The following UMAD1 variants were observed in gnomAD, a reference collection of about 807,000 sequenced individuals.
UMAD1 encodes the protein UBAP1-MVB12-associated (UMA) domain containing 1.
In UMAD1, 8 loss-of-function variants were observed where a neutral mutation model predicts 6.1. That is an observed-to-expected ratio of 1.30 (90% CI 0.76 to 2.35). The LOEUF is 2.35. Among genes scored for constraint, UMAD1 ranks in the 30% most tolerant of loss-of-function variants. The probability of loss-of-function intolerance (pLI) is 0.00; values close to 1 mark genes in which losing one functional copy is unlikely to be tolerated. For missense variants in UMAD1, 130 were observed against 78.4 expected (o/e 1.66, Z -2.49); for synonymous variants, 56 against 31.4 (o/e 1.78, Z -2.61).
chr7:7,867,269 C>T (rs962220337), intron 3 of UMAD1, among the ~76,000 whole-genome samples: 1 of 152,072 alleles, frequency 6.6e-6, no homozygotes, highest in Admixed American at 6.6e-5. Flanking sequence ...GAGAGAAATC[C>T]GAGTTTGAGA....
chr7:7,801,792 A>T (rs17137990), intron 3 of UMAD1, 49 bp downstream of exon 3: 1 of 713,250 alleles, frequency 1.4e-6, no homozygotes, highest in African/African-American at 1.8e-5. Flanking sequence ...ACAAGTCACT[A>T]TGATTACTTA....
At chr7:7,870,500 C>T (rs1258635504) in intron 3 of UMAD1, among the ~76,000 whole-genome samples, 1 of 152,084 alleles carries the variant, frequency 6.6e-6, no homozygotes. Flanking sequence ...TAATTCTTCC[C>T]ATTAAAGACC....
chr7:7,836,125 A>G (rs1382708706), intron 3 of UMAD1, among the ~76,000 whole-genome samples: 3 of 152,074 alleles, frequency 2.0e-5, no homozygotes, highest in African/African-American at 4.8e-5. Context: ...CTTAGCTACA[A>G]TAATTATACC....
Position 7,749,681 on chromosome 7 carries a change from T to C in UMAD1, c.83-51989T>C, listed in dbSNP as rs544101766. 3.2e-3 allele frequency among the ~76,000 whole-genome samples: 490 copies of C among 152,252 alleles called. 4 individuals are homozygous for C. The highest frequency in any genetic ancestry group is 0.01 in the African/African-American group (421 of 41,560). ...TCTAAAATAAAACTGGGCGTTGATATTTGCTGTGATCTAATATGTAGATAT... is the reference window on the plus strand; with the variant it reads ...TCTAAAATAAAACTGGGCGTTGATACTTGCTGTGATCTAATATGTAGATAT... On this transcript the variant is annotated intron_variant, in intron 2 of 3. Transcript: ENST00000682710.
chr7:7,708,456 T>TACC (rs1780660151), intron 2 of UMAD1, among the ~76,000 whole-genome samples: 1 of 152,204 alleles, frequency 6.6e-6, no homozygotes, highest in African/African-American at 2.4e-5. Flanking sequence ...CCCATGTATT[T>TACC]ATTAGACAGC....
At chr7:7,663,574 T>G (rs548526191) in intron 1 of UMAD1, among the ~76,000 whole-genome samples, 2 of 152,206 alleles carry the variant, frequency 1.3e-5, no homozygotes, top group East Asian at 3.9e-4. Context: ...AAGGATAAAT[T>G]TTAAAAGAGG....
intron 2 of UMAD1, among the ~76,000 whole-genome samples, chr7:7,721,661 A>G (rs527275332): frequency 8.5e-5 from 13 of 152,300 alleles, no homozygotes; most frequent in Admixed American, 2.0e-4. Context: ...CAGTGAATCA[A>G]TCTCTGTGCT....
At chr7:7,867,257 T>G (rs1784249851) in intron 3 of UMAD1, among the ~76,000 whole-genome samples, 2 of 152,204 alleles carry the variant, frequency 1.3e-5, no homozygotes, top group South Asian at 2.1e-4. Context: ...TCAGGAACTC[T>G]AGAGAGAAAT....
rs1782879843 is a variant in UMAD1 at position 7,804,925 on chromosome 7, G to C, written c.156+3182G>C. On this transcript the variant is annotated intron_variant, in intron 3 of 3. Coordinates refer to ENST00000682710, the MANE Select transcript of UMAD1 (RefSeq NM_001302348.2). ...GAACCTGGGAGGCGGGGGTTGCAGT[G>C]AGCCGAGATCACACCACTGCACTCC... Among the ~76,000 whole-genome samples the C allele has an allele frequency of 2.0e-5, 3 of 151,790 alleles. No homozygotes were observed. In the South Asian group the frequency reaches 6.3e-4, roughly 32 times the overall value.
At chr7:7,817,077 C>G (rs1227607360) in intron 3 of UMAD1, among the ~76,000 whole-genome samples, 1 of 152,184 alleles carries the variant, frequency 6.6e-6, no homozygotes, top group Non-Finnish European at 1.5e-5. Context: ...AGTTTCTTAC[C>G]ATTTCTTGAG....
At chr7:7,805,765 C>G (rs1175627691) in intron 3 of UMAD1, among the ~76,000 whole-genome samples, 1 of 151,618 alleles carries the variant, frequency 6.6e-6, no homozygotes, top group African/African-American at 2.4e-5. Context: ...ATTTTTTAAA[C>G]CAGAGCTTCA....
chr7:7,689,883 A>G (rs1436844290), intron 2 of UMAD1, among the ~76,000 whole-genome samples: 1 of 152,226 alleles, frequency 6.6e-6, no homozygotes, highest in Non-Finnish European at 1.5e-5. Context: ...GCTAGTGATT[A>G]ACAACCATAG....
At chr7:7,704,547 A>G (rs1428669983) in intron 2 of UMAD1, among the ~76,000 whole-genome samples, 1 of 149,048 alleles carries the variant, frequency 6.7e-6, no homozygotes, top group Non-Finnish European at 1.5e-5. Context: ...CAAAGTCAGG[A>G]GTTCAAGACT....
At chr7:7,833,000 T>C (rs1583859080) in intron 3 of UMAD1, among the ~76,000 whole-genome samples, 2 of 152,220 alleles carry the variant, frequency 1.3e-5, no homozygotes, top group East Asian at 3.9e-4. Context: ...AGAACATAGG[T>C]TCAGAAAAGA....
At chr7:7,836,654 C>T (rs1347173287) in intron 3 of UMAD1, among the ~76,000 whole-genome samples, 1 of 151,428 alleles carries the variant, frequency 6.6e-6, no homozygotes, top group Non-Finnish European at 1.5e-5. Flanking sequence ...TTATAATGAT[C>T]ATGAGAATTA....
At chr7:7,825,022 G>GGT (rs1048265929) in intron 3 of UMAD1, among the ~76,000 whole-genome samples, 6 of 152,062 alleles carry the variant, frequency 3.9e-5, no homozygotes, top group Non-Finnish European at 2.9e-5. Context: ...ATGTAACAGA[G>GGT]GTGTAAGTTT....
intron 2 of UMAD1, among the ~76,000 whole-genome samples, chr7:7,678,519 A>AAT (rs1472570507): frequency 2.0e-5 from 2 of 99,600 alleles, no homozygotes; most frequent in African/African-American, 8.3e-5. Flanking sequence ...AATATAGATA[A>AAT]ATATATTTAT....
rs933718050 is a variant in UMAD1 at position 7,650,173 on chromosome 7, T to C, written c.-64+9352T>C. Among the ~76,000 whole-genome samples the C allele has an allele frequency of 2.6e-5, 4 of 152,356 alleles. No homozygotes were observed. In the East Asian group the frequency reaches 7.7e-4, roughly 29 times the overall value. On this transcript the variant is annotated intron_variant, in intron 1 of 3. Transcript: ENST00000682710. ...TTATGCTGTTGTCTAGAGATTTAGT[T>C]CTGTTTTGATTTCTTGTAATCCCAC...
intron 2 of UMAD1, among the ~76,000 whole-genome samples, chr7:7,698,694 A>C (rs753796812): frequency 6.6e-6 from 1 of 151,728 alleles, no homozygotes; most frequent in Non-Finnish European, 1.5e-5. Context: ...CATCCTTTCA[A>C]CCTTCTTTCT....
Sources: gnomAD v4.1 joint callset for allele counts (sites outside exome capture counted in the v4.1 genomes callset) on GRCh38, gnomAD v4.1.1 for gene constraint, MANE v1.5 for transcripts, NCBI Gene and HGNC (gene_info 2026-07-23, HGNC 2026-07-21) for gene names.